The following FAM234A variants were observed in gnomAD, a reference collection of about 807,000 sequenced individuals.
FAM234A encodes the protein family with sequence similarity 234 member A.
In FAM234A, 42 loss-of-function variants were observed where a neutral mutation model predicts 49.1. The ratio of observed to expected loss-of-function variants is 0.86; its 90% confidence interval spans 0.67 to 1.11. The LOEUF is 1.11. Ranked by LOEUF, FAM234A falls within the 50% of genes least tolerant of loss-of-function variation. The pLI, the probability that FAM234A is intolerant of heterozygous loss-of-function variation, is 0.00. For missense variants in FAM234A, 815 were observed against 745.2 expected, an observed-to-expected ratio of 1.09 and a Z score of -1.09; for synonymous variants, 369 against 316.2, an observed-to-expected ratio of 1.17 and a Z score of -1.77.
downstream of FAM234A, among the ~76,000 whole-genome samples, chr16:266,349 G>T (rs542820266): frequency 6.6e-6 from 1 of 152,214 alleles, no homozygotes; most frequent in African/African-American, 2.4e-5. Flanking sequence ...TGGGCACCCT[G>T]GCCCCATGCA....
chr16:256,889 T>C (rs2051255108), intron 3 of FAM234A, among the ~76,000 whole-genome samples: 1 of 151,860 alleles, frequency 6.6e-6, no homozygotes, highest in Non-Finnish European at 1.5e-5. Context: ...ACTACAGGCA[T>C]GTGCCACCAC....
At chr16:256,730 T>G (rs896888145) in intron 3 of FAM234A, among the ~76,000 whole-genome samples, 1 of 148,596 alleles carries the variant, frequency 6.7e-6, no homozygotes, top group Admixed American at 6.8e-5. Context: ...CAGGCTACCA[T>G]GCCTGGCTAA....
intron 1 of FAM234A, among the ~76,000 whole-genome samples, chr16:245,136 CT>C (rs2050760894): frequency 6.6e-6 from 1 of 151,984 alleles, no homozygotes; most frequent in African/African-American, 2.4e-5. Flanking sequence ...CACTTGGGCC[CT>C]GGAGTTTGAG....
In FAM234A at chr16:260,845, G is replaced by C. The variant is rs147503631; in HGVS notation, c.578-539G>C. 898 of 361,768 alleles carry C rather than the reference G, an allele frequency of 2.5e-3. 8 individuals are homozygous for C. Among genetic ancestry groups the C allele is most frequent in the African/African-American group, 0.018 (857 of 46,794 alleles). 22.4% of individuals were successfully genotyped at this position (361,768 alleles called of 1,614,324 possible). On this transcript the variant is annotated intron_variant, in intron 5 of 12. Transcript: ENST00000399932. ...AAGGTTTGGATGAGATTGTATGTGC[G>C]TAAGGAGTTGGACGAGGACCTGTGG... is the stretch of plus-strand genomic sequence containing the variant.
intron 1 of FAM234A, among the ~76,000 whole-genome samples, chr16:240,744 C>T (rs941277396): frequency 4.6e-5 from 7 of 151,996 alleles, no homozygotes; most frequent in Non-Finnish European, 7.4e-5. Context: ...TCAAGTGATC[C>T]AGCCGCCTAG....
In FAM234A at chr16:265,937, C is replaced by T; in HGVS notation, c.*915C>T. ...GCCGTGCCACCCGATGCAGGACTCA[C>T]CTCTGTGCCTTGCTGCTCCTGAGGC... On this transcript the variant is annotated 3_prime_UTR_variant, in exon 13 of 13. Coordinates refer to ENST00000399932, the MANE Select transcript of FAM234A (RefSeq NM_032039.4). 1 of 986,080 alleles carries T rather than the reference C, an allele frequency of 1.0e-6. No homozygotes were observed. The highest frequency in any genetic ancestry group is 1.2e-6 in the Non-Finnish European group (1 of 830,140). The allele number at this position is 986,080 out of a possible 1,614,324, so 61.1% of individuals were successfully genotyped here. A position where few individuals can be genotyped will look rare whatever the true frequency, so the allele number is the denominator to read the frequency against.
rs1467789952 is a variant in FAM234A, at chr16:264,894, G to C, written c.1531G>C (p.Val511Leu). Reference sequence around the variant, plus strand: ...CTCAGAGGCACCCGGCCTGGTCTCTGTGATCAAGCACAAGGTGCGGGACCT... The same window carrying C: ...CTCAGAGGCACCCGGCCTGGTCTCTCTGATCAAGCACAAGGTGCGGGACCT... ...ADSEAPGLVS[V>L]IKHKVRDLVP... The change falls in exon 13 of 13, where the codon GTG becomes CTG. Residue 511 changes from valine (V) to leucine (L), a missense_variant. By Grantham distance (32) the Val-to-Leu change is conservative (BLOSUM62 1). Transcript: ENST00000399932. 2 of 1,613,056 alleles carry C rather than the reference G, an allele frequency of 1.2e-6. No homozygotes were observed. The highest frequency in any genetic ancestry group is 2.2e-5 in the East Asian group (1 of 44,888).
chr16:263,817 C>G, intron 10 of FAM234A, 42 bp downstream of exon 10: 1 of 1,533,298 alleles, frequency 6.5e-7, no homozygotes, highest in Non-Finnish European at 9.0e-7. Context: ...TTGTTCTTAG[C>G]TGAGGATAGA....
In FAM234A at chr16:264,863, G is replaced by C; in HGVS notation, c.1500G>C (p.Pro500=). 2 of 1,612,224 alleles carry C rather than the reference G, an allele frequency of 1.2e-6. No individual in the cohort carries two copies. The highest frequency in any genetic ancestry group is 1.7e-6 in the Non-Finnish European group (2 of 1,179,942). Residue 500 remains proline (P), a synonymous_variant, in exon 13 of 13, where the codon CCG becomes CCC. Transcript: ENST00000399932. ...CCGCCTACATCCTTCTGACAGGCCC[G>C]GCAGACTCAGAGGCACCCGGCCTGG... The part of the protein sequence containing the change: ...RHAAYILLTG[P]ADSEAPGLVS...
Position 264,715 on chromosome 16 carries a change from C to T in FAM234A, c.1446C>T (p.Asp482=), listed in dbSNP as rs1285253566. The T allele has an allele frequency of 1.9e-6, 3 of 1,610,896 alleles. No individual in the cohort carries two copies. The highest frequency in any genetic ancestry group is 1.7e-5 in the Admixed American group (1 of 59,998). The change falls in exon 12 of 13, where the codon GAC becomes GAT. Residue 482 remains aspartate (D), a splice_region_variant and synonymous_variant. Coordinates refer to ENST00000399932, the MANE Select transcript of FAM234A (RefSeq NM_032039.4). ...TCTCTACCCACATTGTCGCCTTTGACGGTGAGTGTGGCCTCGGCCAGGGAC... is the reference window on the plus strand; with the variant it reads ...TCTCTACCCACATTGTCGCCTTTGATGGTGAGTGTGGCCTCGGCCAGGGAC... ...ANVSTHIVAF[D]AVLFEPSRHA... is the part of the protein sequence containing the mutation.
chr16:254,586 TCTGC>T lies in FAM234A; in HGVS notation c.176_179del (p.Cys59PhefsTer25), dbSNP rs2051154469. 6.2e-7 allele frequency: 1 copy of T among 1,614,138 alleles called. No homozygotes were observed. The highest frequency in any genetic ancestry group is 8.5e-7 in the Non-Finnish European group (1 of 1,180,016). ...GCGGCGTTTTTTCTTTCATTGTTTC[TCTGC>T]CTTTTTGTGGTGTTCGTCGTCTCAT... On this transcript the variant is annotated frameshift_variant, in exon 3 of 13. Coordinates refer to ENST00000399932, the MANE Select transcript of FAM234A (RefSeq NM_032039.4). LOFTEE classifies it high-confidence loss of function.
rs774996392 is a variant in FAM234A, at chr16:263,305, G to A, written c.1015G>A (p.Gly339Ser). 25 of 1,613,192 alleles carry A rather than the reference G, an allele frequency of 1.5e-5. No homozygotes were observed. The highest frequency in any genetic ancestry group is 4.5e-5 in the East Asian group (2 of 44,884). Residue 339 changes from glycine (G) to serine (S), a missense_variant, in exon 9 of 13, where the codon GGT becomes AGT. Coordinates refer to ENST00000399932, the MANE Select transcript of FAM234A (RefSeq NM_032039.4). ...RYLMHVPGNA[G>S]ADVLLVGSEA... The stretch of plus-strand genomic sequence containing the variant: ...CCTGATGCATGTCCCAGGGAACGCC[G>A]GTGCAGATGTGCTTCTTGTGGGCTC...
chr16:254,190 G>C, intron 2 of FAM234A, 191 bp from the exon 3 acceptor site: 1 of 590,160 alleles, frequency 1.7e-6, no homozygotes, highest in South Asian at 2.0e-5. Flanking sequence ...ACACTAATTA[G>C]AGACCTTCTT....
At chr16:267,273 C>A (rs954498098), downstream of FAM234A, among the ~76,000 whole-genome samples, 3 of 152,084 alleles carry the variant, frequency 2.0e-5, no homozygotes, top group African/African-American at 7.2e-5. Flanking sequence ...CACACACTAC[C>A]CTGCTCACCC....
At chr16:263,944 G>T in intron 10 of FAM234A, 72 bp from the exon 11 acceptor site, 1 of 1,525,762 alleles carries the variant, frequency 6.6e-7, no homozygotes, top group Non-Finnish European at 9.0e-7. Flanking sequence ...GAGGGCACGT[G>T]TGCCTGTGCA....
chr16:267,261 C>G (rs2051717371), downstream of FAM234A, among the ~76,000 whole-genome samples: 1 of 152,002 alleles, frequency 6.6e-6, no homozygotes, highest in Non-Finnish European at 1.5e-5. Flanking sequence ...GGCAGGCGTC[C>G]CCACACACTA....
At position 258,940 on chromosome 16, in the gene FAM234A, A is replaced by G. The variant is rs149773761; in HGVS notation, c.269-543A>G. Among the ~76,000 whole-genome samples, 1,154 of 152,174 alleles carry G rather than the reference A, an allele frequency of 7.6e-3. 14 individuals are homozygous for G. The highest frequency in any genetic ancestry group is 0.026 in the African/African-American group (1,083 of 41,534). Reference sequence around the variant, plus strand: ...TGGGACTACAGGCACGTGCTACTACACCCAGCTAATTTTTTGTATTTTTAG... The same window carrying G: ...TGGGACTACAGGCACGTGCTACTACGCCCAGCTAATTTTTTGTATTTTTAG... On this transcript the variant is annotated intron_variant, in intron 3 of 12. Coordinates refer to ENST00000399932, the MANE Select transcript of FAM234A (RefSeq NM_032039.4).
intron 1 of FAM234A, among the ~76,000 whole-genome samples, chr16:238,996 T>G (rs1419802999): frequency 5.6e-5 from 7 of 124,878 alleles, no homozygotes; most frequent in South Asian, 2.6e-4. Flanking sequence ...GCAGGAGAGT[T>G]GTTTGAACCC....
At chr16:242,237 CAG>C (rs980334114) in intron 1 of FAM234A, among the ~76,000 whole-genome samples, 7 of 152,034 alleles carry the variant, frequency 4.6e-5, no homozygotes, top group Non-Finnish European at 8.8e-5. Context: ...TTTTTTGAGA[CAG>C]AGTCTTGGTC....
Sources: allele counts gnomAD v4.1 joint callset (sites outside exome capture counted in the v4.1 genomes callset), GRCh38; gene constraint gnomAD v4.1.1; transcripts MANE v1.5; gene names NCBI Gene and HGNC (gene_info 2026-07-23, HGNC 2026-07-21).